The following PCDHGA2 variants were observed in gnomAD, a reference collection of about 807,000 sequenced individuals.
PCDHGA2 encodes the protein protocadherin gamma-A2.
PCDHGA2 carries 40 observed loss-of-function variants against 59.2 expected under a neutral mutation model. That is an observed-to-expected ratio of 0.68 (90% CI 0.52 to 0.88). The LOEUF is 0.88. Among genes scored for constraint, PCDHGA2 ranks in the 40% least tolerant of loss-of-function variants. The pLI is 0.00. For synonymous variants in PCDHGA2, 560 were observed against 526.0 expected (o/e 1.06, Z -0.89); for missense variants, 1,226 against 1,204.0 (o/e 1.02, Z -0.27).
chr5:141,344,202 C>CG, intron 1 of PCDHGA2: 5 of 1,614,012 alleles, frequency 3.1e-6, no homozygotes, highest in Non-Finnish European at 4.2e-6. Context: ...GCTAGAGCCC[C>CG]GGGAGCTGGC....
At chr5:141,374,163 C>T (rs764323551) in intron 1 of PCDHGA2, 3 of 1,612,724 alleles carry the variant, frequency 1.9e-6, no homozygotes, top group Admixed American at 1.7e-5. Context: ...TGGGGGGCCG[C>T]GGCAGCGCAG....
chr5:141,400,590 T>A, intron 1 of PCDHGA2: 3 of 1,604,846 alleles, frequency 1.9e-6, no homozygotes, highest in Non-Finnish European at 2.6e-6. Context: ...CATGAAACTA[T>A]CGTACATTTT....
At chr5:141,366,743 C>G (rs561614642) in intron 1 of PCDHGA2, 2 of 1,611,598 alleles carry the variant, frequency 1.2e-6, no homozygotes, top group East Asian at 4.5e-5. Flanking sequence ...AGAAGAACGG[C>G]GAGTTCAGGT....
chr5:141,383,124 C>G (rs1245604127), intron 1 of PCDHGA2: 3 of 1,613,930 alleles, frequency 1.9e-6, no homozygotes, highest in Non-Finnish European at 2.5e-6. Context: ...CGCAGCTTTT[C>G]GCCCTGAACC....
intron 1 of PCDHGA2, chr5:141,385,002 C>T: frequency 6.2e-7 from 1 of 1,614,138 alleles, no homozygotes; most frequent in Admixed American, 1.7e-5. Flanking sequence ...CCACAGTCTC[C>T]TGCGTCTTCC....
intron 1 of PCDHGA2, chr5:141,393,420 G>A (rs2092755571): frequency 1.2e-6 from 2 of 1,614,050 alleles, no homozygotes; most frequent in Non-Finnish European, 1.7e-6. Context: ...CCTGGACAGG[G>A]AGGAAGAGGC....
chr5:141,485,797 C>T lies in PCDHGA2; in HGVS notation c.2425-9010C>T. 1 of 1,614,228 alleles carries T rather than the reference C, an allele frequency of 6.2e-7. No homozygotes were observed. Among genetic ancestry groups the T allele is most frequent in the South Asian group, 1.1e-5 (1 of 91,092 alleles). On this transcript the variant is annotated intron_variant, in intron 1 of 3. Coordinates refer to ENST00000394576, the MANE Select transcript of PCDHGA2 (RefSeq NM_018915.4). This position sits in a 1 kb window ranked among gnomAD's most constrained non-coding sequence, Gnocchi z 5.7. ...TGGATCGAGAGAAGCAATCGGACTACCGCCTGGTGCTGACTGCTGTCGATG... is the reference window on the plus strand; with the variant it reads ...TGGATCGAGAGAAGCAATCGGACTATCGCCTGGTGCTGACTGCTGTCGATG...
chr5:141,443,217 G>A (rs1447455858), intron 1 of PCDHGA2, among the ~76,000 whole-genome samples: 8 of 151,656 alleles, frequency 5.3e-5, no homozygotes, highest in African/African-American at 2.4e-5. Flanking sequence ...CTCGCCAGGC[G>A]CATCTATAAT....
intron 1 of PCDHGA2, chr5:141,421,778 G>C (rs756566609): frequency 6.2e-7 from 1 of 1,613,844 alleles, no homozygotes; most frequent in Non-Finnish European, 8.5e-7. Context: ...TTGCAACTGC[G>C]GGGCAGAACG....
At chr5:141,488,020 T>C (rs985558790) in intron 1 of PCDHGA2, among the ~76,000 whole-genome samples, 3 of 152,174 alleles carry the variant, frequency 2.0e-5, no homozygotes, top group African/African-American at 7.2e-5. Context: ...GTACCTTAAC[T>C]CTAGGTTACC....
At chr5:141,414,570 C>T in intron 1 of PCDHGA2, 1 of 1,613,980 alleles carries the variant, frequency 6.2e-7, no homozygotes. Context: ...TTACCTATAT[C>T]CCAGAGAACA....
At position 141,512,350 on chromosome 5, in the gene PCDHGA2, G is replaced by C. The variant is rs1406428686; in HGVS notation, c.*1177G>C. ...CCATTCTTAGTCCCTGGGTTGGGGA[G>C]GCAGGGAGCTAGGGCAGGGACCAAA... is the stretch of plus-strand genomic sequence containing the variant. On this transcript the variant is annotated 3_prime_UTR_variant, in exon 4 of 4. Transcript: ENST00000394576. The C allele has an allele frequency of 6.5e-6, 1 of 152,906 alleles. No homozygotes were observed. The highest frequency in any genetic ancestry group is 1.9e-4 in the East Asian group (1 of 5,208). 9.5% of individuals were successfully genotyped at this position (152,906 alleles called of 1,614,324 possible).
intron 1 of PCDHGA2, among the ~76,000 whole-genome samples, chr5:141,439,132 G>C (rs1180893484): frequency 6.6e-6 from 1 of 151,054 alleles, no homozygotes; most frequent in African/African-American, 2.4e-5. Context: ...GACAGAGGTT[G>C]CAGTGAGCTG....
intron 1 of PCDHGA2, among the ~76,000 whole-genome samples, chr5:141,382,312 C>A (rs1778099412): frequency 6.6e-6 from 1 of 152,130 alleles, no homozygotes; most frequent in Admixed American, 6.5e-5. Flanking sequence ...TTTATATACA[C>A]TGATGTAAAT....
chr5:141,483,711 A>G (rs1258383632), intron 1 of PCDHGA2, among the ~76,000 whole-genome samples: 2 of 152,122 alleles, frequency 1.3e-5, no homozygotes, highest in African/African-American at 2.4e-5. Context: ...TGACACCAGA[A>G]TATTGGTTCC....
At chr5:141,381,099 T>C (rs1284355665) in intron 1 of PCDHGA2, among the ~76,000 whole-genome samples, 1 of 152,230 alleles carries the variant, frequency 6.6e-6, no homozygotes, top group East Asian at 1.9e-4. Flanking sequence ...AAACAGAATG[T>C]CCTTCAAAGT....
chr5:141,384,053 C>T (rs1329974843), intron 1 of PCDHGA2: 1 of 1,610,750 alleles, frequency 6.2e-7, no homozygotes, highest in Non-Finnish European at 8.5e-7. Context: ...GTGACCTGCA[C>T]CATTCCAGAA....
In PCDHGA2 at chr5:141,485,578, G is replaced by A; in HGVS notation, c.2425-9229G>A. ...ATGATCACGCCCCCCGTTTTCCGCG[G>A]CAGCAGCTGGACTTGGAAATTGGGG... is the stretch of plus-strand genomic sequence containing the variant. On this transcript the variant is annotated intron_variant, in intron 1 of 3. Transcript: ENST00000394576. This position sits in a 1 kb window ranked among gnomAD's most constrained non-coding sequence, Gnocchi z 5.7. 6.2e-7 allele frequency: 1 copy of A among 1,612,362 alleles called. No homozygotes were observed. Among genetic ancestry groups the A allele is most frequent in the Non-Finnish European group, 8.5e-7 (1 of 1,178,688 alleles).
chr5:141,376,794 C>T, intron 1 of PCDHGA2: 1 of 353,104 alleles, frequency 2.8e-6, no homozygotes, highest in East Asian at 6.1e-5. Flanking sequence ...TCACGCCATT[C>T]TCCTGCCTCA....
Sources: allele counts gnomAD v4.1 joint callset (sites outside exome capture counted in the v4.1 genomes callset), GRCh38; gene constraint gnomAD v4.1.1; non-coding constraint Gnocchi (gnomAD v3.1); transcripts MANE v1.5; gene names NCBI Gene and HGNC (gene_info 2026-07-23, HGNC 2026-07-21).